MARCHF7: variants seen among roughly 807,000 people sequenced by gnomAD.
MARCHF7 encodes the protein E3 ubiquitin-protein ligase MARCHF7.
In MARCHF7, 20 loss-of-function variants were observed where a neutral mutation model predicts 76.5. The ratio of observed to expected loss-of-function variants is 0.26; its 90% confidence interval spans 0.18 to 0.38. MARCHF7 has a LOEUF of 0.38. Among genes scored for constraint, MARCHF7 ranks in the 10% least tolerant of loss-of-function variants. The pLI is 1.00. For missense variants in MARCHF7, 797 were observed against 812.9 expected, an observed-to-expected ratio of 0.98 and a Z score of 0.24; for synonymous variants, 295 against 293.0, an observed-to-expected ratio of 1.01 and a Z score of -0.07.
At position 159,729,112 on chromosome 2, in the gene MARCHF7, A is replaced by G. The variant is rs771499147; in HGVS notation, c.90A>G (p.Gly30=). 1 of 1,611,080 alleles carries G rather than the reference A, an allele frequency of 6.2e-7. No individual in the cohort carries two copies. The highest frequency in any genetic ancestry group is 8.5e-7 in the Non-Finnish European group (1 of 1,178,790). Residue 30 remains glycine (G), a synonymous_variant, in exon 4 of 12, where the codon GGA becomes GGG. Coordinates refer to ENST00000409175, the MANE Select transcript of MARCHF7 (RefSeq NM_001282805.2). The part of the protein sequence containing the change: ...LSARMMSGSR[G]SSLNDTYHSR... The stretch of plus-strand genomic sequence containing the variant: ...CTAGGATGATGTCTGGAAGCAGAGG[A>G]AGTAGTTTAAATGATACCTATCACT...
intron 9 of MARCHF7, 21 bp from the exon 10 acceptor site, chr2:159,762,859 C>G: frequency 1.4e-6 from 2 of 1,481,428 alleles, no homozygotes; most frequent in East Asian, 2.3e-5. Flanking sequence ...TTCTTTTCTC[C>G]TGTTTGCTTC....
At position 159,761,406 on chromosome 2, in the gene MARCHF7, C is replaced by CTTTTTTTTTTT. The variant is rs747902045; in HGVS notation, c.1894-1459_1894-1449dup. On this transcript the variant is annotated intron_variant, in intron 9 of 11. Coordinates refer to ENST00000409175, the MANE Select transcript of MARCHF7 (RefSeq NM_001282805.2). ...ACAATAATTATTAAGTGAATCATTT[C>CTTTTTTTTTTT]TTTTTTTTTTTTTTTTTTTTTTTTT... Among the ~76,000 whole-genome samples the CTTTTTTTTTTT allele has an allele frequency of 4.4e-3, 323 of 73,760 alleles. 55 individuals are homozygous for CTTTTTTTTTTT. Among genetic ancestry groups the CTTTTTTTTTTT allele is most frequent in the Middle Eastern group, 0.022 (1 of 46 alleles). The allele number at this position is 73,760 out of a possible 152,430, so 48.4% of individuals were successfully genotyped here. A position where few individuals can be genotyped will look rare whatever the true frequency, so the allele number is the denominator to read the frequency against.
At position 159,761,153 on chromosome 2, in the gene MARCHF7, G is replaced by A. The variant is rs561262679; in HGVS notation, c.1894-1727G>A. ...CGATTCTCTTGCCTCAGCCTCCCAAGTAGGTGGGATTGCCACCCGCCTCCA... is the reference window on the plus strand; with the variant it reads ...CGATTCTCTTGCCTCAGCCTCCCAAATAGGTGGGATTGCCACCCGCCTCCA... On this transcript the variant is annotated intron_variant, in intron 9 of 11. Transcript: ENST00000409175. Among the ~76,000 whole-genome samples the A allele has an allele frequency of 7.6e-4, 115 of 150,798 alleles. 1 individual carries two copies. Among genetic ancestry groups the A allele is most frequent in the Non-Finnish European group, 1.4e-3 (98 of 67,870 alleles).
intron 4 of MARCHF7, among the ~76,000 whole-genome samples, chr2:159,730,532 T>C (rs1038542155): frequency 5.3e-5 from 8 of 152,214 alleles, no homozygotes; most frequent in Non-Finnish European, 1.0e-4. Flanking sequence ...ATGAACTGTT[T>C]ACCTGGTCTC....
At position 159,748,897 on chromosome 2, in the gene MARCHF7, AAGAG is replaced by A. The variant is rs1247094750; in HGVS notation, c.1610_1613del (p.Glu537AlafsTer4). The A allele has an allele frequency of 1.3e-6, 2 of 1,597,270 alleles. No homozygotes were observed. The highest frequency in any genetic ancestry group is 8.5e-7 in the Non-Finnish European group (1 of 1,173,002). On this transcript the variant is annotated frameshift_variant and splice_region_variant, in exon 7 of 12. Coordinates refer to ENST00000409175, the MANE Select transcript of MARCHF7 (RefSeq NM_001282805.2). LOFTEE classifies it high-confidence loss of function. ...GATCCAGAAAGATTGCAGAAAATAAAAGAGAGGTAAATTCGAATACCTGTCTTAA... is the reference window on the plus strand; with the variant it reads ...GATCCAGAAAGATTGCAGAAAATAAAAGGTAAATTCGAATACCTGTCTTAA...
intron 11 of MARCHF7, among the ~76,000 whole-genome samples, chr2:159,766,842 T>C (rs948363202): frequency 1.4e-4 from 21 of 152,176 alleles, no homozygotes; most frequent in African/African-American, 3.9e-4. Flanking sequence ...CATAACCTCT[T>C]ATTCTATGTA....
intron 4 of MARCHF7, among the ~76,000 whole-genome samples, chr2:159,730,457 A>AAAAAC (rs762515343): frequency 1.3e-5 from 2 of 152,234 alleles, no homozygotes; most frequent in Non-Finnish European, 1.5e-5. Context: ...GACTGAAGTA[A>AAAAAC]AAAACAAAAC....
At chr2:159,731,652 G>C (rs1702806640) in intron 4 of MARCHF7, among the ~76,000 whole-genome samples, 1 of 151,898 alleles carries the variant, frequency 6.6e-6, no homozygotes, top group Non-Finnish European at 1.5e-5. Flanking sequence ...TACTCGGGAG[G>C]CTGAGGCAGG....
chr2:159,741,903 G>A (rs1426982085), intron 4 of MARCHF7, among the ~76,000 whole-genome samples: 1 of 151,914 alleles, frequency 6.6e-6, no homozygotes, highest in African/African-American at 2.4e-5. Flanking sequence ...TAGTTTATCT[G>A]TGTCCTGTCT....
At chr2:159,722,363 C>G (rs933568664) in intron 3 of MARCHF7, among the ~76,000 whole-genome samples, 1 of 152,166 alleles carries the variant, frequency 6.6e-6, no homozygotes, top group Non-Finnish European at 1.5e-5. Flanking sequence ...GTCTCGAACT[C>G]CTGGCCTCAA....
At chr2:159,726,358 G>C (rs1050680130) in intron 3 of MARCHF7, among the ~76,000 whole-genome samples, 3 of 152,106 alleles carry the variant, frequency 2.0e-5, no homozygotes, top group African/African-American at 7.2e-5. Flanking sequence ...CGCCTCCCGG[G>C]TTCACGCCAT....
At chr2:159,764,262 G>A (rs1176876569) in intron 10 of MARCHF7, among the ~76,000 whole-genome samples, 1 of 147,764 alleles carries the variant, frequency 6.8e-6, no homozygotes, top group South Asian at 2.1e-4. Context: ...GTGTGCGCGC[G>A]CCCACTGAAA....
At chr2:159,743,338 G>A in intron 5 of MARCHF7, 85 bp downstream of exon 5, 1 of 1,249,700 alleles carries the variant, frequency 8.0e-7, no homozygotes, top group Non-Finnish European at 1.1e-6. Flanking sequence ...GAGGCAAGTA[G>A]ATTTTATATG....
chr2:159,726,725 A>C (rs1487191617), intron 3 of MARCHF7, among the ~76,000 whole-genome samples: 1 of 152,216 alleles, frequency 6.6e-6, no homozygotes, highest in East Asian at 1.9e-4. Flanking sequence ...AATGTTGTGC[A>C]AACATCACTA....
At chr2:159,743,971 G>GTTTTTTTTTT (rs1412931838) in intron 5 of MARCHF7, among the ~76,000 whole-genome samples, 1 of 108,402 alleles carries the variant, frequency 9.2e-6, no homozygotes, top group Non-Finnish European at 1.9e-5. Flanking sequence ...TTTAGTAGGA[G>GTTTTTTTTTT]TTCTTTTTTT....
At chr2:159,759,741 C>T (rs903517145) in intron 9 of MARCHF7, among the ~76,000 whole-genome samples, 2 of 151,898 alleles carry the variant, frequency 1.3e-5, no homozygotes, top group Non-Finnish European at 2.9e-5. Context: ...GTGTGGTTAG[C>T]ATATTTGTTT....
intron 4 of MARCHF7, chr2:159,733,061 AG>A (rs1560000903): frequency 3.8e-6 from 1 of 266,298 alleles, no homozygotes; most frequent in Non-Finnish European, 4.7e-6. Flanking sequence ...ATTTTTATTT[AG>A]TTATAATTAT....
At chr2:159,737,357 A>G (rs1324116773) in intron 4 of MARCHF7, among the ~76,000 whole-genome samples, 1 of 152,232 alleles carries the variant, frequency 6.6e-6, no homozygotes, top group Non-Finnish European at 1.5e-5. Context: ...TCAAATGGGC[A>G]AAGGACTTTA....
At position 159,770,993 on chromosome 2, in the gene MARCHF7, T is replaced by G. The variant is rs1458986915; in HGVS notation, c.*3651T>G. ...TGATTTTCACCTTTTTCTTAAAATG[T>G]ACAATAAATGCACTGAAAACTTTGA... On this transcript the variant is annotated 3_prime_UTR_variant, in exon 12 of 12. Coordinates refer to ENST00000409175, the MANE Select transcript of MARCHF7 (RefSeq NM_001282805.2). The G allele has an allele frequency of 6.6e-6, 1 of 152,230 alleles. No individual in the cohort carries two copies. The highest frequency in any genetic ancestry group is 1.5e-5 in the Non-Finnish European group (1 of 68,022). The allele number at this position is 152,230 out of a possible 1,614,324, so 9.4% of individuals were successfully genotyped here. A position where few individuals can be genotyped will look rare whatever the true frequency, so the allele number is the denominator to read the frequency against.
Sources: gnomAD v4.1 joint callset for allele counts (sites outside exome capture counted in the v4.1 genomes callset) on GRCh38, gnomAD v4.1.1 for gene constraint, MANE v1.5 for transcripts, NCBI Gene and HGNC (gene_info 2026-07-23, HGNC 2026-07-21) for gene names.